AFG1L: variants seen among roughly 807,000 people sequenced by gnomAD.
The protein encoded by AFG1L is AFG1-like ATPase.
In AFG1L, 53 loss-of-function variants were observed where a neutral mutation model predicts 62.2. The observed-to-expected ratio is 0.85, with a 90% CI of 0.68 to 1.07. The LOEUF (loss-of-function observed/expected upper bound fraction) is 1.07. Ranked by LOEUF, AFG1L falls within the 50% of genes least tolerant of loss-of-function variation. The probability of loss-of-function intolerance (pLI) is 0.00; values close to 1 mark genes in which losing one functional copy is unlikely to be tolerated. For synonymous variants in AFG1L, 228 were observed against 210.3 expected (o/e 1.08, Z -0.73); for missense variants, 555 against 590.5 (o/e 0.94, Z 0.62).
At chr6:108,492,350 A>G (rs1773808040) in intron 10 of AFG1L, among the ~76,000 whole-genome samples, 1 of 152,216 alleles carries the variant, frequency 6.6e-6, no homozygotes, top group African/African-American at 2.4e-5. Context: ...TGAGGGTACA[A>G]TCAGGATGGC....
intron 2 of AFG1L, among the ~76,000 whole-genome samples, chr6:108,337,370 G>T (rs1279608842): frequency 6.9e-6 from 1 of 144,664 alleles, no homozygotes; most frequent in Non-Finnish European, 1.6e-5. Flanking sequence ...TGTGAGCATT[G>T]TGTGTTCACT....
intron 11 of AFG1L, among the ~76,000 whole-genome samples, chr6:108,516,612 C>T (rs1000834158): frequency 5.3e-5 from 8 of 152,230 alleles, no homozygotes; most frequent in African/African-American, 1.7e-4. Context: ...TGCCCTCTCT[C>T]ACCACTCCTA....
intron 10 of AFG1L, among the ~76,000 whole-genome samples, chr6:108,481,081 T>G (rs1773306370): frequency 6.6e-6 from 1 of 152,232 alleles, no homozygotes; most frequent in Admixed American, 6.5e-5. Flanking sequence ...GCCCCAAGCC[T>G]TAGGCAGCCT....
chr6:108,398,705 G>A (rs1480064929), intron 6 of AFG1L, among the ~76,000 whole-genome samples: 1 of 152,006 alleles, frequency 6.6e-6, no homozygotes, highest in Non-Finnish European at 1.5e-5. Flanking sequence ...ATGAAGAGAT[G>A]GTCTTTTCCC....
intron 7 of AFG1L, among the ~76,000 whole-genome samples, chr6:108,413,899 G>A (rs1451042180): frequency 6.6e-6 from 1 of 151,898 alleles, no homozygotes. Flanking sequence ...GCTAGCAGAA[G>A]GCAAGAAATA....
chr6:108,437,374 C>T (rs1771355901), intron 7 of AFG1L, among the ~76,000 whole-genome samples: 1 of 152,146 alleles, frequency 6.6e-6, no homozygotes. Flanking sequence ...ATTTTGGCAC[C>T]TCTGAGAGAG....
chr6:108,423,251 G>A (rs1770677801), intron 7 of AFG1L, among the ~76,000 whole-genome samples: 2 of 152,010 alleles, frequency 1.3e-5, no homozygotes, highest in Admixed American at 6.6e-5. Flanking sequence ...TCTTAGAAAC[G>A]AACCATCTTT....
At chr6:108,366,409 T>A in intron 6 of AFG1L, 77 bp downstream of exon 6, 1 of 828,764 alleles carries the variant, frequency 1.2e-6, no homozygotes, top group Non-Finnish European at 1.9e-6. Flanking sequence ...AATTTTGAAC[T>A]AAATGTATTG....
At chr6:108,519,476 C>T (rs111334063) in intron 11 of AFG1L, among the ~76,000 whole-genome samples, 85 of 152,208 alleles carry the variant, frequency 5.6e-4, no homozygotes, top group African/African-American at 1.7e-3. Context: ...CCCTACTTCA[C>T]AGGGTGGTAT....
At chr6:108,496,186 C>G (rs1282554944) in intron 10 of AFG1L, among the ~76,000 whole-genome samples, 1 of 152,220 alleles carries the variant, frequency 6.6e-6, no homozygotes, top group Non-Finnish European at 1.5e-5. Flanking sequence ...ATATTTGCAA[C>G]TGCCATAGAT....
At chr6:108,308,384 C>T (rs545800222) in intron 1 of AFG1L, among the ~76,000 whole-genome samples, 20 of 152,334 alleles carry the variant, frequency 1.3e-4, no homozygotes, top group Admixed American at 1.1e-3. Flanking sequence ...CTCCTGGCCT[C>T]AAGCTATCCT....
intron 2 of AFG1L, among the ~76,000 whole-genome samples, chr6:108,340,367 GT>G (rs35206585): frequency 0.74 from 85,964 of 116,490 alleles, 30,082 homozygotes; most frequent in Non-Finnish European, 0.8. Context: ...TAATTTCAGT[GT>G]TTTTTTTTTT....
At chr6:108,325,057 C>T (rs75155133) in intron 2 of AFG1L, among the ~76,000 whole-genome samples, 4,288 of 152,224 alleles carry the variant, frequency 0.028, 196 homozygotes, top group African/African-American at 0.098. Flanking sequence ...CATAACATCT[C>T]CTTTCGCCAC....
At chr6:108,397,035 TG>T (rs1412894345) in intron 6 of AFG1L, among the ~76,000 whole-genome samples, 28 of 152,172 alleles carry the variant, frequency 1.8e-4, no homozygotes, top group Non-Finnish European at 4.1e-4. Context: ...TTTTTGTTTT[TG>T]TTTGTTTTTT....
At position 108,416,829 on chromosome 6, in the gene AFG1L, C is replaced by T. The variant is rs138120066; in HGVS notation, c.807+14775C>T. Among the ~76,000 whole-genome samples the T allele has an allele frequency of 2.4e-4, 37 of 151,894 alleles. No individual in the cohort carries two copies. The South Asian group carries it at 2.7e-3, about 11-fold the overall frequency. On this transcript the variant is annotated intron_variant, in intron 7 of 12. Coordinates refer to ENST00000368977, the MANE Select transcript of AFG1L (RefSeq NM_145315.5). ...TAGGAGATATACCTAATGTAAATGA[C>T]GAGTTAATGGGTGCAGCACACCAAC...
intron 7 of AFG1L, among the ~76,000 whole-genome samples, chr6:108,418,779 A>G (rs1285459977): frequency 6.6e-6 from 1 of 152,224 alleles, no homozygotes; most frequent in Non-Finnish European, 1.5e-5. Context: ...ACATTCACTG[A>G]ACAATATTTA....
chr6:108,439,274 A>G lies in AFG1L; in HGVS notation c.808-7940A>G, dbSNP rs147832596. On this transcript the variant is annotated intron_variant, in intron 7 of 12. Coordinates refer to ENST00000368977, the MANE Select transcript of AFG1L (RefSeq NM_145315.5). ...TCAGAGCAAACGCTATATCTTATTC[A>G]TCATTATATCTCTAGTAGCCAGGGA... Among the ~76,000 whole-genome samples the G allele has an allele frequency of 5.4e-4, 82 of 152,340 alleles. 1 individual carries two copies. The East Asian group carries it at 0.015, about 28-fold the overall frequency.
At chr6:108,447,192 A>T (rs925460052) in intron 7 of AFG1L, 22 bp from the exon 8 acceptor site, 1 of 1,301,320 alleles carries the variant, frequency 7.7e-7, no homozygotes, top group Middle Eastern at 1.8e-4. Context: ...TTAAAAAGGC[A>T]CTTCATTTGT....
intron 11 of AFG1L, among the ~76,000 whole-genome samples, chr6:108,513,404 C>T (rs1203244187): frequency 2.0e-5 from 3 of 152,348 alleles, no homozygotes; most frequent in South Asian, 2.1e-4. Context: ...AAAATCGGAT[C>T]ACTCCCACCC....
Sources: gnomAD v4.1 joint callset for allele counts (sites outside exome capture counted in the v4.1 genomes callset) on GRCh38, gnomAD v4.1.1 for gene constraint, MANE v1.5 for transcripts, NCBI Gene and HGNC (gene_info 2026-07-23, HGNC 2026-07-21) for gene names.